The following CAMK2G variants were observed in gnomAD, a reference collection of about 807,000 sequenced individuals.
The protein encoded by CAMK2G is calcium/calmodulin-dependent protein kinase type II subunit gamma.
CAMK2G carries 23 observed loss-of-function variants against 88.7 expected under a neutral mutation model. That is an observed-to-expected ratio of 0.26 (90% CI 0.19 to 0.37). The LOEUF (loss-of-function observed/expected upper bound fraction) is 0.37. Among genes scored for constraint, CAMK2G ranks in the 10% least tolerant of loss-of-function variants. The pLI is 1.00. For missense variants in CAMK2G, 476 were observed against 780.8 expected (o/e 0.61, Z 4.65); for synonymous variants, 263 against 294.8 (o/e 0.89, Z 1.11).
At chr10:73,816,915 G>A (rs1445536512) in intron 21 of CAMK2G, 108 bp downstream of exon 21, 1 of 1,611,152 alleles carries the variant, frequency 6.2e-7, no homozygotes, top group Admixed American at 1.7e-5. Flanking sequence ...GCAGCACGAA[G>A]GTCAAATAAG....
chr10:73,815,191 C>T lies in CAMK2G; in HGVS notation c.1591G>A (p.Val531Met), dbSNP rs1243870956. 8 of 1,614,134 alleles carry T rather than the reference C, an allele frequency of 5.0e-6. No homozygotes were observed. The highest frequency in any genetic ancestry group is 1.6e-4 in the Middle Eastern group (1 of 6,084). Residue 531 changes from valine (V) to methionine (M), a missense_variant, in exon 22 of 23, where the codon GTG becomes ATG. Val to Met is a conservative substitution (Grantham distance 21). Coordinates refer to ENST00000423381, the MANE Select transcript of CAMK2G (RefSeq NM_001367534.1). ...ATGCACGCTGCGTCCTCCCCAATCA[C>T]GTGGACGTGTGGGTTTAGGATGGTG... Reference protein sequence around the residue: ...HTTILNPHVHVIGEDAACIAY... With the variant: ...HTTILNPHVHMIGEDAACIAY...
intron 14 of CAMK2G, among the ~76,000 whole-genome samples, chr10:73,835,155 C>T (rs754787322): frequency 1.3e-5 from 2 of 152,150 alleles, no homozygotes; most frequent in Non-Finnish European, 2.9e-5. Context: ...CTGTCTGCTC[C>T]CCCAGCACCT....
rs764421985 is a variant in CAMK2G, at chr10:73,860,862, C to T, written c.188G>A (p.Arg63Gln). The T allele has an allele frequency of 9.3e-6, 15 of 1,613,796 alleles. No individual in the cohort carries two copies. Among genetic ancestry groups the T allele is most frequent in the Non-Finnish European group, 1.2e-5 (14 of 1,179,702 alleles). Residue 63 changes from arginine to glutamine, a missense_variant, in exon 3 of 23, where the codon CGG becomes CAG. Physicochemically the swap from Arg to Gln is conservative, Grantham distance 43. Around this residue, in one of 3 missense-constraint regions of CAMK2G, gnomAD observed 164 missense variants for 385.6 expected, o/e 0.43. Transcript: ENST00000423381. ...TGGATGTTTCAGAAGTCGACATATC[C>T]GAGCCTCACGTTCTAGTTTCTGGTG... The part of the protein sequence containing the change: ...RDHQKLEREA[R>Q]ICRLLKHPNI...
chr10:73,851,596 C>T (rs1355119621), intron 5 of CAMK2G, among the ~76,000 whole-genome samples: 3 of 151,950 alleles, frequency 2.0e-5, no homozygotes, highest in Admixed American at 2.0e-4. Context: ...CTTGAGCACA[C>T]CAGAATTTGT....
chr10:73,861,645 C>G (rs957127502), intron 2 of CAMK2G, among the ~76,000 whole-genome samples: 8 of 152,144 alleles, frequency 5.3e-5, no homozygotes, highest in Admixed American at 5.2e-4. Context: ...CGTGAGCCAC[C>G]GCGCCTGGCC....
chr10:73,873,175 C>G (rs2095899668), intron 1 of CAMK2G, 92 bp from the exon 2 acceptor site: 1 of 1,020,312 alleles, frequency 9.8e-7, no homozygotes, highest in Non-Finnish European at 1.5e-6. Context: ...GCTCCCACCA[C>G]CAGACCTCTA....
intron 17 of CAMK2G, among the ~76,000 whole-genome samples, chr10:73,823,344 T>C (rs1051395300): frequency 6.6e-6 from 1 of 152,204 alleles, no homozygotes; most frequent in Non-Finnish European, 1.5e-5. Context: ...GCCTCCCAAG[T>C]AGCTGGGACT....
chr10:73,873,125 CAG>C (rs771977234), intron 1 of CAMK2G, 42 bp from the exon 2 acceptor site: 3 of 1,323,898 alleles, frequency 2.3e-6, no homozygotes, highest in South Asian at 2.3e-5. Flanking sequence ...CGGAGCAGGG[CAG>C]AGTGACACAG....
At chr10:73,814,914 C>A in intron 22 of CAMK2G, 89 bp downstream of exon 22, 1 of 902,308 alleles carries the variant, frequency 1.1e-6, no homozygotes, top group Non-Finnish European at 1.7e-6. Flanking sequence ...CACCTCCTCT[C>A]CCAGGACCAC....
chr10:73,821,347 G>A (rs191028578), intron 18 of CAMK2G, among the ~76,000 whole-genome samples: 1 of 152,120 alleles, frequency 6.6e-6, no homozygotes, highest in Non-Finnish European at 1.5e-5. Flanking sequence ...GCACTTACAG[G>A]CTACTTCGGC....
chr10:73,873,569 A>C (rs1239482613), intron 1 of CAMK2G: 84 of 986,436 alleles, frequency 8.5e-5, no homozygotes, highest in Non-Finnish European at 9.8e-5. Context: ...TGAGGCTCAA[A>C]CCCCCCCACA....
chr10:73,820,534 T>C (rs1245473153), intron 18 of CAMK2G, among the ~76,000 whole-genome samples: 4 of 136,546 alleles, frequency 2.9e-5, no homozygotes, highest in Admixed American at 7.7e-5. Flanking sequence ...TCTCGCTCTG[T>C]CACCCAGGCT....
intron 1 of CAMK2G, 48 bp from the exon 2 acceptor site, chr10:73,873,131 GAC>G (rs1231833359): frequency 7.8e-7 from 1 of 1,288,164 alleles, no homozygotes; most frequent in Non-Finnish European, 1.1e-6. Flanking sequence ...AGGGCAGAGT[GAC>G]ACAGACACAC....
chr10:73,814,251 G>A lies in CAMK2G; in HGVS notation c.*267C>T, dbSNP rs1484968988. The A allele has an allele frequency of 3.4e-5, 5 of 146,444 alleles. No individual in the cohort carries two copies. Among genetic ancestry groups the A allele is most frequent in the Non-Finnish European group, 7.5e-5 (5 of 66,860 alleles). The allele number at this position is 146,444 out of a possible 1,614,324, so 9.1% of individuals were successfully genotyped here. A position where few individuals can be genotyped will look rare whatever the true frequency, so the allele number is the denominator to read the frequency against. On this transcript the variant is annotated 3_prime_UTR_variant, in exon 23 of 23. Coordinates refer to ENST00000423381, the MANE Select transcript of CAMK2G (RefSeq NM_001367534.1). ...GTCGGTGGTTTTAAAACGCATCATG[G>A]TATGGATTCCTTTTTTTTTTAAACA...
intron 10 of CAMK2G, among the ~76,000 whole-genome samples, chr10:73,845,443 G>A (rs1056675917): frequency 9.2e-5 from 14 of 151,936 alleles, no homozygotes; most frequent in Non-Finnish European, 1.9e-4. Flanking sequence ...TTAGCCGGGC[G>A]TGGTGGCGGG....
intron 16 of CAMK2G, among the ~76,000 whole-genome samples, chr10:73,824,760 G>A (rs2090343559): frequency 6.6e-6 from 1 of 152,226 alleles, no homozygotes; most frequent in African/African-American, 2.4e-5. Context: ...ACCCCTGGAG[G>A]AGCCCAGAGA....
intron 2 of CAMK2G, among the ~76,000 whole-genome samples, chr10:73,862,310 C>A (rs1035340963): frequency 1.7e-4 from 20 of 118,198 alleles, no homozygotes; most frequent in African/African-American, 4.0e-4. Flanking sequence ...CCCCCCCCCC[C>A]CGATTTCCCA....
intron 5 of CAMK2G, among the ~76,000 whole-genome samples, 161 bp downstream of exon 5, chr10:73,852,093 G>T (rs2094670416): frequency 6.6e-6 from 1 of 152,154 alleles, no homozygotes. Flanking sequence ...CAGTATGCAA[G>T]CCCTAGCCCA....
At chr10:73,822,458 A>T (rs1245333535) in intron 17 of CAMK2G, among the ~76,000 whole-genome samples, 2 of 152,092 alleles carry the variant, frequency 1.3e-5, no homozygotes, top group East Asian at 3.9e-4. Context: ...GTGAGCCACC[A>T]CGCCCGGGCC....
Sources: gnomAD v4.1 joint callset for allele counts (sites outside exome capture counted in the v4.1 genomes callset) on GRCh38, gnomAD v4.1.1 for gene constraint, gnomAD v4.1.1 regional missense constraint, MANE v1.5 for transcripts, NCBI Gene and HGNC (gene_info 2026-07-23, HGNC 2026-07-21) for gene names.